The following PPM1E variants were observed in gnomAD, a reference collection of about 807,000 sequenced individuals.
The protein encoded by PPM1E is protein phosphatase 1E.
Under a neutral mutation model 65.9 loss-of-function variants are expected in PPM1E, and 20 were observed. The observed-to-expected ratio is 0.30, with a 90% CI of 0.21 to 0.44. The LOEUF (loss-of-function observed/expected upper bound fraction) is 0.44, where lower values mean the gene tolerates loss of function less well. Among genes scored for constraint, PPM1E ranks in the 20% least tolerant of loss-of-function variants. PPM1E has a pLI of 1.00. For synonymous variants in PPM1E, 352 were observed against 374.9 expected (o/e 0.94, Z 0.70); for missense variants, 713 against 953.1 (o/e 0.75, Z 3.32).
At chr17:58,799,829 C>T (rs1024249824) in intron 1 of PPM1E, among the ~76,000 whole-genome samples, 5 of 152,208 alleles carry the variant, frequency 3.3e-5, no homozygotes, top group African/African-American at 9.6e-5. Flanking sequence ...ATCTGCTGGC[C>T]TTGGCCTCCC....
intron 1 of PPM1E, among the ~76,000 whole-genome samples, chr17:58,887,006 G>A (rs934125548): frequency 2.0e-5 from 3 of 151,958 alleles, no homozygotes; most frequent in African/African-American, 7.3e-5. Context: ...TCCTCAAATA[G>A]GAATTACACT....
intron 1 of PPM1E, among the ~76,000 whole-genome samples, chr17:58,809,374 C>T (rs1309663275): frequency 2.6e-5 from 4 of 152,082 alleles, no homozygotes; most frequent in African/African-American, 7.2e-5. Flanking sequence ...CAAGTGTGAA[C>T]CACTGTACCT....
At position 58,776,997 on chromosome 17, in the gene PPM1E, T is replaced by C. The variant is rs190982394; in HGVS notation, c.464+20536T>C. Reference sequence around the variant, plus strand: ...ACTGTAATCCCAACACTTTGGAGGATGAAGCAGGAAGATTGCTTGAACCCT... The same window carrying C: ...ACTGTAATCCCAACACTTTGGAGGACGAAGCAGGAAGATTGCTTGAACCCT... On this transcript the variant is annotated intron_variant, in intron 1 of 6. Coordinates refer to ENST00000308249, the MANE Select transcript of PPM1E (RefSeq NM_014906.5). Among the ~76,000 whole-genome samples the C allele has an allele frequency of 2.0e-4, 30 of 152,136 alleles. No homozygotes were observed. The East Asian group carries it at 5.6e-3, about 28-fold the overall frequency.
In PPM1E at chr17:58,833,148, T is replaced by C. The variant is rs148363013; in HGVS notation, c.464+76687T>C. ...AATGTTTGGGGGATGTATGTAGTTCTACAGGATTTTATCACATGTATAAAT... is the reference window on the plus strand; with the variant it reads ...AATGTTTGGGGGATGTATGTAGTTCCACAGGATTTTATCACATGTATAAAT... On this transcript the variant is annotated intron_variant, in intron 1 of 6. Coordinates refer to ENST00000308249, the MANE Select transcript of PPM1E (RefSeq NM_014906.5). Among the ~76,000 whole-genome samples, 471 of 152,006 alleles carry C rather than the reference T, an allele frequency of 3.1e-3. 4 individuals carry two copies. The highest frequency in any genetic ancestry group is 5.3e-3 in the Non-Finnish European group (363 of 67,988).
intron 1 of PPM1E, among the ~76,000 whole-genome samples, chr17:58,930,984 T>G (rs1179433153): frequency 6.9e-6 from 1 of 144,088 alleles, no homozygotes; most frequent in African/African-American, 2.6e-5. Flanking sequence ...GAGGCTGAGG[T>G]GGGTGGATCA....
chr17:58,972,775 T>C, intron 5 of PPM1E, 57 bp from the exon 6 acceptor site: 1 of 1,434,168 alleles, frequency 7.0e-7, no homozygotes, highest in South Asian at 1.1e-5. Context: ...ACTGTTAAAG[T>C]AAATGAATAA....
intron 1 of PPM1E, among the ~76,000 whole-genome samples, chr17:58,758,979 A>G (rs1359367532): frequency 6.6e-6 from 1 of 152,202 alleles, no homozygotes; most frequent in East Asian, 1.9e-4. Context: ...CTGAGCCACA[A>G]GAATCGCTTG....
chr17:58,756,786 C>T (rs757056618), intron 1 of PPM1E, among the ~76,000 whole-genome samples: 5 of 152,232 alleles, frequency 3.3e-5, no homozygotes, highest in Non-Finnish European at 7.3e-5. Flanking sequence ...CTCCACTTCA[C>T]GCAACCTTTC....
chr17:58,828,371 TTTTC>T (rs2050563883), intron 1 of PPM1E, among the ~76,000 whole-genome samples: 1 of 152,166 alleles, frequency 6.6e-6, no homozygotes, highest in Non-Finnish European at 1.5e-5. Context: ...TTTAATTTTC[TTTTC>T]TTTCTTTTTC....
intron 6 of PPM1E, among the ~76,000 whole-genome samples, chr17:58,978,453 G>A (rs2031156485): frequency 6.6e-6 from 1 of 152,184 alleles, no homozygotes; most frequent in Non-Finnish European, 1.5e-5. Flanking sequence ...GCTCATGCCT[G>A]TTATCCCAGC....
In PPM1E at chr17:58,923,054, G is replaced by T. The variant is rs535317894; in HGVS notation, c.465-32595G>T. On this transcript the variant is annotated intron_variant, in intron 1 of 6. Transcript: ENST00000308249. ...TAATTCCAAGACTTTGGGATGCCAA[G>T]ACAGCTGGATCACTTGAGGCCTGGA... 3.9e-5 allele frequency among the ~76,000 whole-genome samples: 6 copies of T among 152,176 alleles called. No individual in the cohort carries two copies. The South Asian group carries it at 1.2e-3, about 32-fold the overall frequency.
At chr17:58,921,491 C>T (rs1306563928) in intron 1 of PPM1E, among the ~76,000 whole-genome samples, 1 of 151,306 alleles carries the variant, frequency 6.6e-6, no homozygotes, top group African/African-American at 2.4e-5. Flanking sequence ...TGAGACCAGG[C>T]TAGGCAGCAT....
chr17:58,890,166 T>G (rs891622918), intron 1 of PPM1E, among the ~76,000 whole-genome samples: 1 of 152,218 alleles, frequency 6.6e-6, no homozygotes, highest in Non-Finnish European at 1.5e-5. Context: ...AACCTTGTTT[T>G]ATATGTGTTT....
chr17:58,791,079 A>T (rs2050153101), intron 1 of PPM1E, among the ~76,000 whole-genome samples: 1 of 151,768 alleles, frequency 6.6e-6, no homozygotes, highest in Non-Finnish European at 1.5e-5. Flanking sequence ...TTTAGTAGAG[A>T]TGGGGTTTCA....
At position 58,980,475 on chromosome 17, in the gene PPM1E, A is replaced by T; in HGVS notation, c.1712A>T (p.Asp571Val). The change falls in exon 7 of 7, where the codon GAT becomes GTT. Residue 571 changes from aspartate to valine, a missense_variant. By Grantham distance (152) the Asp-to-Val change is radical (BLOSUM62 -3). Coordinates refer to ENST00000308249, the MANE Select transcript of PPM1E (RefSeq NM_014906.5). This position sits in a 1 kb window ranked among gnomAD's most constrained non-coding sequence, Gnocchi z 4.7. ...GTGCTGGAAGACCCAGGCTACCTAGATCTCACACAAATAGAAGCAAGCAAA... is the reference window on the plus strand; with the variant it reads ...GTGCTGGAAGACCCAGGCTACCTAGTTCTCACACAAATAGAAGCAAGCAAA... Reference protein sequence around the residue: ...INVLEDPGYLDLTQIEASKPH... With the variant: ...INVLEDPGYLVLTQIEASKPH... 1 of 1,614,148 alleles carries T rather than the reference A, an allele frequency of 6.2e-7. No individual in the cohort carries two copies. Among genetic ancestry groups the T allele is most frequent in the Non-Finnish European group, 8.5e-7 (1 of 1,180,012 alleles).
intron 1 of PPM1E, among the ~76,000 whole-genome samples, chr17:58,804,492 A>T (rs1325661043): frequency 6.6e-6 from 1 of 152,090 alleles, no homozygotes; most frequent in Non-Finnish European, 1.5e-5. Flanking sequence ...ATTTTCATAC[A>T]CTTTTGGAAG....
At chr17:58,975,156 G>A (rs2030917876) in intron 6 of PPM1E, among the ~76,000 whole-genome samples, 1 of 152,154 alleles carries the variant, frequency 6.6e-6, no homozygotes, top group Non-Finnish European at 1.5e-5. Flanking sequence ...TTACGTTAAT[G>A]ATCATTATAT....
In PPM1E at chr17:58,815,578, T is replaced by A. The variant is rs9972907; in HGVS notation, c.464+59117T>A. ...TTACTTATTATAGCTCTGTTAATGC[T>A]GTTCCTTTCAAAGAATATTTTCTAA... On this transcript the variant is annotated intron_variant, in intron 1 of 6. Coordinates refer to ENST00000308249, the MANE Select transcript of PPM1E (RefSeq NM_014906.5). Among the ~76,000 whole-genome samples the A allele has an allele frequency of 9.5e-3, 1,449 of 152,326 alleles. 20 individuals are homozygous for A. Among genetic ancestry groups the A allele is most frequent in the African/African-American group, 0.032 (1,348 of 41,562 alleles).
intron 1 of PPM1E, among the ~76,000 whole-genome samples, chr17:58,922,611 T>A (rs918578254): frequency 6.6e-6 from 1 of 152,084 alleles, no homozygotes; most frequent in Non-Finnish European, 1.5e-5. Flanking sequence ...ACCTGTGCCC[T>A]ATTGAGAATT....
Sources: allele counts gnomAD v4.1 joint callset (sites outside exome capture counted in the v4.1 genomes callset), GRCh38; gene constraint gnomAD v4.1.1; non-coding constraint Gnocchi (gnomAD v3.1); transcripts MANE v1.5; gene names NCBI Gene and HGNC (gene_info 2026-07-23, HGNC 2026-07-21).